ADAMTS14: variants seen among roughly 807,000 people sequenced by gnomAD.
ADAMTS14 encodes ADAM metallopeptidase with thrombospondin type 1 motif 14, also known as A disintegrin and metalloproteinase with thrombospondin motifs 14.
In ADAMTS14, 100 loss-of-function variants were observed where a neutral mutation model predicts 128.6. The ratio of observed to expected loss-of-function variants is 0.78; its 90% CI spans 0.66 to 0.92. ADAMTS14 has a LOEUF of 0.92. ADAMTS14 is among the 40% of genes least tolerant of loss of function. ADAMTS14 has a pLI of 0.00. For missense variants in ADAMTS14, 1,562 were observed against 1,658.6 expected, an observed-to-expected ratio of 0.94 and a Z score of 1.01; for synonymous variants, 665 against 653.8, an observed-to-expected ratio of 1.02 and a Z score of -0.26.
At chr10:70,730,527 G>T (rs1430968422) in intron 6 of ADAMTS14, among the ~76,000 whole-genome samples, 2 of 152,202 alleles carry the variant, frequency 1.3e-5, no homozygotes, top group Non-Finnish European at 2.9e-5. Context: ...GAGCCTGGCT[G>T]CTGGAAGACC....
At chr10:70,728,882 G>A (rs1246288461) in intron 4 of ADAMTS14, among the ~76,000 whole-genome samples, 2 of 152,224 alleles carry the variant, frequency 1.3e-5, no homozygotes, top group Non-Finnish European at 2.9e-5. Flanking sequence ...CAGACATTAT[G>A]CCAGTGGCAA....
intron 4 of ADAMTS14, among the ~76,000 whole-genome samples, chr10:70,724,221 G>A (rs1485510358): frequency 2.0e-5 from 3 of 152,132 alleles, no homozygotes; most frequent in Middle Eastern, 3.2e-3. Context: ...GGTTATCTCA[G>A]GTCAATATGT....
intron 4 of ADAMTS14, among the ~76,000 whole-genome samples, chr10:70,711,253 C>T (rs1313422241): frequency 2.0e-5 from 3 of 152,238 alleles, no homozygotes; most frequent in Non-Finnish European, 2.9e-5. Context: ...GACAACACAA[C>T]GCTGACTCCT....
At chr10:70,681,627 G>A (rs1413645241) in intron 2 of ADAMTS14, among the ~76,000 whole-genome samples, 4 of 152,156 alleles carry the variant, frequency 2.6e-5, no homozygotes, top group Admixed American at 2.6e-4. Context: ...ACCTGTCCTT[G>A]CCCCGGGGGC....
intron 2 of ADAMTS14, among the ~76,000 whole-genome samples, chr10:70,684,511 A>G (rs1008219931): frequency 2.0e-5 from 3 of 152,388 alleles, no homozygotes; most frequent in African/African-American, 7.2e-5. Context: ...AGTTGCAGCC[A>G]TCTTTGCAAA....
intron 2 of ADAMTS14, 22 bp from the exon 3 acceptor site, chr10:70,702,290 C>T (rs749658642): frequency 8.7e-6 from 14 of 1,613,968 alleles, no homozygotes; most frequent in Middle Eastern, 1.7e-4. Context: ...CTCTTTCCCG[C>T]TGCTTGCCGT....
At position 70,761,016 on chromosome 10, in the gene ADAMTS14, G is replaced by A. The variant is rs1716314801; in HGVS notation, c.*163G>A. Reference sequence around the variant, plus strand: ...TGTGATGCTCTTTACCCCACAAAGCGGGGTGGGAGGAAGACAAAGATCAGG... The same window carrying A: ...TGTGATGCTCTTTACCCCACAAAGCAGGGTGGGAGGAAGACAAAGATCAGG... On this transcript the variant is annotated 3_prime_UTR_variant, in exon 22 of 22. Transcript: ENST00000373207. 1.0e-5 allele frequency: 11 copies of A among 1,077,344 alleles called. No individual in the cohort carries two copies. Among genetic ancestry groups the A allele is most frequent in the Admixed American group, 6.2e-5 (2 of 32,142 alleles). The allele number at this position is 1,077,344 out of a possible 1,614,324, so 66.7% of individuals were successfully genotyped here.
At chr10:70,733,522 A>G (rs1841715203) in intron 7 of ADAMTS14, among the ~76,000 whole-genome samples, 1 of 152,188 alleles carries the variant, frequency 6.6e-6, no homozygotes, top group South Asian at 2.1e-4. Context: ...ATGGTGGGAT[A>G]GATGGCTCCT....
At chr10:70,674,338 T>A (rs1330084278) in intron 1 of ADAMTS14, among the ~76,000 whole-genome samples, 1 of 152,178 alleles carries the variant, frequency 6.6e-6, no homozygotes, top group Non-Finnish European at 1.5e-5. Flanking sequence ...ACCTGGGGGC[T>A]ACAGGGAGTG....
At chr10:70,721,019 C>CTTTT (rs56656736) in intron 4 of ADAMTS14, among the ~76,000 whole-genome samples, 26 of 84,312 alleles carry the variant, frequency 3.1e-4, no homozygotes, top group East Asian at 9.5e-4. Context: ...TCTCTTTTTT[C>CTTTT]TTTTTTTTTT....
At chr10:70,746,616 TG>T (rs1313010329) in intron 15 of ADAMTS14, among the ~76,000 whole-genome samples, 71 of 152,322 alleles carry the variant, frequency 4.7e-4, no homozygotes, top group African/African-American at 1.5e-3. Flanking sequence ...GAGATCAGCC[TG>T]GGGAACATGG....
intron 18 of ADAMTS14, among the ~76,000 whole-genome samples, chr10:70,753,303 C>G (rs1288778097): frequency 6.6e-6 from 1 of 152,226 alleles, no homozygotes; most frequent in Non-Finnish European, 1.5e-5. Context: ...CATAGCTACT[C>G]TATGTGGAAG....
chr10:70,747,331 T>G (rs1281532961), intron 15 of ADAMTS14, among the ~76,000 whole-genome samples: 1 of 152,154 alleles, frequency 6.6e-6, no homozygotes, highest in African/African-American at 2.4e-5. Flanking sequence ...AGAGCCAGTC[T>G]GGGCCCAGGT....
intron 2 of ADAMTS14, among the ~76,000 whole-genome samples, chr10:70,675,950 G>A (rs1163534510): frequency 6.6e-6 from 1 of 152,194 alleles, no homozygotes; most frequent in Admixed American, 6.5e-5. Flanking sequence ...GGGGTTGTGG[G>A]TTCCTTCCTC....
Position 70,672,725 on chromosome 10 carries a change from G to A in ADAMTS14, c.-78G>A. On this transcript the variant is annotated 5_prime_UTR_variant, in exon 1 of 22. Transcript: ENST00000373207. The stretch of plus-strand genomic sequence containing the variant: ...CCAGCCGGTGCTCCGACAGCCCGGG[G>A]CGCACCCTAGCCTCGCCGCCCTCAG... 1 of 1,392,446 alleles carries A rather than the reference G, an allele frequency of 7.2e-7. No homozygotes were observed. The highest frequency in any genetic ancestry group is 9.3e-7 in the Non-Finnish European group (1 of 1,077,688). 86.3% of individuals were successfully genotyped at this position (1,392,446 alleles called of 1,614,324 possible). A position where few individuals can be genotyped will look rare whatever the true frequency, so the allele number is the denominator to read the frequency against.
chr10:70,710,040 A>T (rs1369705715), intron 4 of ADAMTS14, among the ~76,000 whole-genome samples: 1 of 152,308 alleles, frequency 6.6e-6, no homozygotes, highest in East Asian at 1.9e-4. Flanking sequence ...GAAATAGTGC[A>T]GGCAGGGGCC....
At chr10:70,754,891 C>T (rs1470438319) in intron 19 of ADAMTS14, among the ~76,000 whole-genome samples, 3 of 150,552 alleles carry the variant, frequency 2.0e-5, no homozygotes, top group Non-Finnish European at 4.5e-5. Flanking sequence ...TGGCTCAGAC[C>T]CTGGAGGCCA....
intron 2 of ADAMTS14, among the ~76,000 whole-genome samples, chr10:70,678,600 C>T (rs1433870247): frequency 2.0e-5 from 3 of 147,696 alleles, no homozygotes; most frequent in African/African-American, 7.6e-5. Context: ...ACACGCGGGG[C>T]AGGGGGGCTT....
rs766206529 is a variant in ADAMTS14, at chr10:70,749,865, G to A, written c.2307G>A (p.Lys769=). The change falls in exon 16 of 22, where the codon AAG becomes AAA. Residue 769 remains lysine, a synonymous_variant. Coordinates refer to ENST00000373207, the MANE Select transcript of ADAMTS14 (RefSeq NM_080722.4). ...QVTGSFILNP[K]GKEATSRTFT... ...CCGGCAGCTTCATCCTCAACCCCAA[G>A]GGCAAGGAAGCCACAAGCCGGACCT... The A allele has an allele frequency of 5.0e-6, 8 of 1,614,056 alleles. No individual in the cohort carries two copies. The highest frequency in any genetic ancestry group is 1.3e-5 in the African/African-American group (1 of 75,032).
Sources: gnomAD v4.1 joint callset for allele counts (sites outside exome capture counted in the v4.1 genomes callset) on GRCh38, gnomAD v4.1.1 for gene constraint, MANE v1.5 for transcripts, NCBI Gene and HGNC (gene_info 2026-07-23, HGNC 2026-07-21) for gene names.